The following CD96 variants were observed in gnomAD, a reference collection of about 807,000 sequenced individuals.
The protein encoded by CD96 is CD96 molecule.
A neutral mutation model predicts 71.3 loss-of-function variants in CD96; 70 were observed. The observed-to-expected ratio is 0.98, with a 90% CI of 0.81 to 1.20. CD96 has a LOEUF of 1.20. Among genes scored for constraint, CD96 ranks in the 50% most tolerant of loss-of-function variants. The pLI, the probability that CD96 is intolerant of heterozygous loss-of-function variation, is 0.00. For synonymous variants in CD96, 248 were observed against 233.0 expected (o/e 1.06, Z -0.59); for missense variants, 742 against 677.5 (o/e 1.10, Z -1.06).
chr3:111,637,145 T>C (rs988142208), intron 10 of CD96, 51 bp from the exon 11 acceptor site: 3 of 902,898 alleles, frequency 3.3e-6, no homozygotes, highest in South Asian at 2.6e-5. Context: ...AGTCAAGAAG[T>C]GGTAATATAG....
intron 5 of CD96, among the ~76,000 whole-genome samples, chr3:111,597,342 T>C (rs1436612036): frequency 2.0e-5 from 3 of 152,340 alleles, no homozygotes; most frequent in African/African-American, 7.2e-5. Flanking sequence ...AAACATAGCA[T>C]TGAAAATAAA....
At chr3:111,654,245 T>C (rs1940175900), downstream of CD96, among the ~76,000 whole-genome samples, 1 of 152,034 alleles carries the variant, frequency 6.6e-6, no homozygotes, top group East Asian at 1.9e-4. Context: ...CAGAAACACA[T>C]AGTGAGAATT....
chr3:111,639,267 T>C (rs1472086826), intron 12 of CD96, among the ~76,000 whole-genome samples: 2 of 152,130 alleles, frequency 1.3e-5, no homozygotes, highest in African/African-American at 4.8e-5. Context: ...GGAGACAGAC[T>C]CGGGGCTGTT....
Position 111,631,640 on chromosome 3 carries a change from A to T in CD96, c.1322-5556A>T, listed in dbSNP as rs568407837. 1.4e-3 allele frequency among the ~76,000 whole-genome samples: 218 copies of T among 151,734 alleles called. 1 individual carries two copies. Among genetic ancestry groups the T allele is most frequent in the African/African-American group, 5.1e-3 (210 of 41,474 alleles). ...TTCTTCACAGAACTGGAAAAAAAAA[A>T]AACTATTTTAAAAGAGCCCAAATAG... On this transcript the variant is annotated intron_variant, in intron 10 of 13. Coordinates refer to ENST00000352690, the MANE Select transcript of CD96 (RefSeq NM_005816.5).
intron 10 of CD96, among the ~76,000 whole-genome samples, chr3:111,625,024 G>C (rs1938681131): frequency 6.6e-6 from 1 of 152,232 alleles, no homozygotes; most frequent in African/African-American, 2.4e-5. Context: ...TGGAGCAAAA[G>C]GAGAGAGGAC....
At position 111,602,418 on chromosome 3, in the gene CD96, A is replaced by G. The variant is rs149333970; in HGVS notation, c.1087+1504A>G. 1.4e-3 allele frequency among the ~76,000 whole-genome samples: 218 copies of G among 152,274 alleles called. 1 individual carries two copies. Among genetic ancestry groups the G allele is most frequent in the Middle Eastern group, 6.8e-3 (2 of 294 alleles). On this transcript the variant is annotated intron_variant, in intron 7 of 13. Coordinates refer to ENST00000352690, the MANE Select transcript of CD96 (RefSeq NM_005816.5). ...TGTATAGGGCAGAGCTTGATCTAGTATAATTTGGGGCTCTGAACAGGTGGT... is the reference window on the plus strand; with the variant it reads ...TGTATAGGGCAGAGCTTGATCTAGTGTAATTTGGGGCTCTGAACAGGTGGT...
At chr3:111,619,674 T>C (rs1407625279) in intron 8 of CD96, among the ~76,000 whole-genome samples, 1 of 152,244 alleles carries the variant, frequency 6.6e-6, no homozygotes, top group African/African-American at 2.4e-5. Flanking sequence ...CTTTCTCACA[T>C]CTGGAAATAT....
chr3:111,596,347 C>T (rs950398267), intron 5 of CD96, among the ~76,000 whole-genome samples: 2 of 151,984 alleles, frequency 1.3e-5, no homozygotes, highest in Admixed American at 6.6e-5. Flanking sequence ...CATTTCTAAA[C>T]CAAATCTTGG....
chr3:111,594,333 C>T, intron 5 of CD96: 3 of 1,096,322 alleles, frequency 2.7e-6, no homozygotes, highest in Non-Finnish European at 3.9e-6. Context: ...TGGCCAAAGT[C>T]TGGCCACACC....
At chr3:111,569,820 A>G (rs1164080983) in intron 3 of CD96, among the ~76,000 whole-genome samples, 1 of 152,234 alleles carries the variant, frequency 6.6e-6, no homozygotes, top group Non-Finnish European at 1.5e-5. Flanking sequence ...TTTGTAGGAA[A>G]TGTAGTTTAC....
intron 3 of CD96, chr3:111,570,920 G>T: frequency 6.3e-7 from 1 of 1,581,582 alleles, no homozygotes; most frequent in Non-Finnish European, 8.7e-7. Flanking sequence ...CAGTGCATGA[G>T]GCGCCAGCGT....
At chr3:111,581,737 TC>T (rs1936476082) in intron 4 of CD96, among the ~76,000 whole-genome samples, 1 of 152,248 alleles carries the variant, frequency 6.6e-6, no homozygotes, top group Non-Finnish European at 1.5e-5. Context: ...AGTTGTTCTT[TC>T]TTTCAGGGCT....
chr3:111,553,310 A>C (rs888636587), intron 2 of CD96, among the ~76,000 whole-genome samples: 2 of 151,950 alleles, frequency 1.3e-5, no homozygotes, highest in Non-Finnish European at 2.9e-5. Flanking sequence ...TGATTTGTCC[A>C]GCCTGGATTT....
At chr3:111,545,968 A>G (rs1344065304) in intron 2 of CD96, among the ~76,000 whole-genome samples, 2 of 151,416 alleles carry the variant, frequency 1.3e-5, no homozygotes, top group Non-Finnish European at 2.9e-5. Flanking sequence ...GGATGGCATG[A>G]CATTTATAGG....
At chr3:111,560,186 T>C (rs1045369265) in intron 2 of CD96, among the ~76,000 whole-genome samples, 43 of 151,922 alleles carry the variant, frequency 2.8e-4, no homozygotes, top group African/African-American at 9.9e-4. Flanking sequence ...TGTCTTTTAA[T>C]TGGAGAATTT....
chr3:111,615,244 C>A (rs1315037338), intron 8 of CD96, among the ~76,000 whole-genome samples: 2 of 152,126 alleles, frequency 1.3e-5, no homozygotes, highest in African/African-American at 4.8e-5. Flanking sequence ...CTGAGAGGAT[C>A]CACAGAAAGC....
chr3:111,585,948 A>G (rs1936693885), intron 5 of CD96, among the ~76,000 whole-genome samples: 2 of 152,262 alleles, frequency 1.3e-5, no homozygotes, highest in South Asian at 4.2e-4. Flanking sequence ...AGTCACTAGG[A>G]TCTGGACTCA....
chr3:111,618,322 G>T (rs76708917), intron 8 of CD96, among the ~76,000 whole-genome samples: 1 of 152,170 alleles, frequency 6.6e-6, no homozygotes, highest in Admixed American at 6.5e-5. Context: ...CAAGGATCCC[G>T]TGACAATTTC....
intron 12 of CD96, among the ~76,000 whole-genome samples, chr3:111,646,235 G>A (rs966312317): frequency 4.6e-5 from 7 of 151,952 alleles, no homozygotes; most frequent in African/African-American, 1.7e-4. Context: ...AACATCGTGA[G>A]ATAAATTAAA....
Sources: allele counts gnomAD v4.1 joint callset (sites outside exome capture counted in the v4.1 genomes callset), GRCh38; gene constraint gnomAD v4.1.1; transcripts MANE v1.5; gene names NCBI Gene and HGNC (gene_info 2026-07-23, HGNC 2026-07-21).